The following ANKRD28 variants were observed in gnomAD, a reference collection of about 807,000 sequenced individuals.
ANKRD28 encodes serine/threonine-protein phosphatase 6 regulatory ankyrin repeat subunit A.
In ANKRD28, 44 loss-of-function variants were observed where a neutral mutation model predicts 126.5. That is an observed-to-expected ratio of 0.35 (90% CI 0.27 to 0.45). The LOEUF is 0.45. Among genes scored for constraint, ANKRD28 ranks in the 20% least tolerant of loss-of-function variants. The probability of loss-of-function intolerance (pLI) is 1.00; values close to 1 mark genes in which losing one functional copy is unlikely to be tolerated. For missense variants in ANKRD28, 1,110 were observed against 1,316.6 expected (o/e 0.84, Z 2.43); for synonymous variants, 442 against 468.5 (o/e 0.94, Z 0.73).
Position 15,796,471 on chromosome 3 carries a change from A to G in ANKRD28, c.51T>C (p.Pro17=), listed in dbSNP as rs971203482. 3.1e-6 allele frequency: 4 copies of G among 1,289,054 alleles called. No individual in the cohort carries two copies. In the African/African-American group the frequency reaches 6.1e-5, roughly 20 times the overall value. The allele number at this position is 1,289,054 out of a possible 1,614,324, so 79.9% of individuals were successfully genotyped here. A position where few individuals can be genotyped will look rare whatever the true frequency, so the allele number is the denominator to read the frequency against. ...CCTGTGGCAATTTAGAAATGAATGCAGGAGATTCATCTTCTACCTCCTCCA... is the reference window on the plus strand; with the variant it reads ...CCTGTGGCAATTTAGAAATGAATGCGGGAGATTCATCTTCTACCTCCTCCA... ...VVLEEVEDES[P]AFISKLPQEN... Residue 17 remains proline (P), a synonymous_variant, in exon 1 of 28, where the codon CCT becomes CCC. Transcript: ENST00000683139.
In ANKRD28 at chr3:15,788,598, CTT is replaced by C. The variant is rs199557320; in HGVS notation, c.201+6623_201+6624del. 7.0e-4 allele frequency among the ~76,000 whole-genome samples: 107 copies of C among 152,110 alleles called. No individual in the cohort carries two copies. The East Asian group carries it at 0.015, about 21-fold the overall frequency. On this transcript the variant is annotated intron_variant, in intron 2 of 27. Transcript: ENST00000683139. ...TACAATTAACACCAATTTTAATACT[CTT>C]AATAAAAAATTAATATTTGTAGAAA...
At chr3:15,820,703 CAGGGGTTCAT>C (rs2060925257) in intron 1 of ANKRD28, among the ~76,000 whole-genome samples, 1 of 152,086 alleles carries the variant, frequency 6.6e-6, no homozygotes, top group East Asian at 1.9e-4. Flanking sequence ...TCTTAATTCA[CAGGGGTTCAT>C]TAATGTCTTT....
At chr3:15,722,201 G>A (rs1039122775) in intron 7 of ANKRD28, among the ~76,000 whole-genome samples, 23 of 152,174 alleles carry the variant, frequency 1.5e-4, no homozygotes, top group Non-Finnish European at 3.1e-4. Context: ...TATTTAGAGT[G>A]GGAGCTTTGG....
In ANKRD28 at chr3:15,816,465, TAC is replaced by T. The variant is rs779181256; in HGVS notation, c.28-21161_28-21160del. ...TTAACAGCCTAAGGATAAAAAATAC[TAC>T]AGTGTCTCTTCACCTATAATTTACA... On this transcript the variant is annotated intron_variant, in intron 1 of 27. Coordinates refer to the ANKRD28 transcript ENST00000399451. This position sits in a 1 kb window ranked among gnomAD's most constrained non-coding sequence, Gnocchi z 5.0. Among the ~76,000 whole-genome samples, 1 of 152,196 alleles carries T rather than the reference TAC, an allele frequency of 6.6e-6. No homozygotes were observed. Among genetic ancestry groups the T allele is most frequent in the Non-Finnish European group, 1.5e-5 (1 of 68,024 alleles).
At chr3:15,776,842 A>G (rs1393397526) in intron 2 of ANKRD28, among the ~76,000 whole-genome samples, 2 of 152,266 alleles carry the variant, frequency 1.3e-5, no homozygotes, top group African/African-American at 4.8e-5. Flanking sequence ...CAATTAAAAC[A>G]CATCTGAATT....
chr3:15,810,677 G>C (rs2060693058), intron 1 of ANKRD28, among the ~76,000 whole-genome samples: 1 of 149,312 alleles, frequency 6.7e-6, no homozygotes, highest in Admixed American at 6.6e-5. Context: ...GTCAGTGGCA[G>C]GATTATGAGT....
At chr3:15,739,256 T>A (rs926157957) in intron 4 of ANKRD28, among the ~76,000 whole-genome samples, 2 of 152,138 alleles carry the variant, frequency 1.3e-5, no homozygotes, top group African/African-American at 2.4e-5. Flanking sequence ...ACTGGGGAAG[T>A]GATGTGTCCA....
chr3:15,677,618 C>A, intron 24 of ANKRD28, 56 bp from the exon 25 acceptor site: 1 of 1,309,080 alleles, frequency 7.6e-7, no homozygotes, highest in South Asian at 1.3e-5. Flanking sequence ...CTTAGATTAC[C>A]AATAACTCAC....
intron 27 of ANKRD28, among the ~76,000 whole-genome samples, chr3:15,673,968 G>T (rs2066642274): frequency 6.6e-6 from 1 of 151,880 alleles, no homozygotes; most frequent in African/African-American, 2.4e-5. Flanking sequence ...TTGAGGCCAG[G>T]AGTTCAAGAC....
Position 15,854,632 on chromosome 3 carries a change from T to C in ANKRD28, c.27+4745A>G, listed in dbSNP as rs4685265. 0.72 allele frequency among the ~76,000 whole-genome samples: 110,013 copies of C among 152,116 alleles called. 40,002 individuals are homozygous for C. Among genetic ancestry groups the C allele is most frequent in the East Asian group, 0.93 (4,820 of 5,186 alleles). On this transcript the variant is annotated intron_variant, in intron 1 of 27. Coordinates refer to the ANKRD28 transcript ENST00000399451. The surrounding 1 kb of genome is among the most constrained non-coding windows in gnomAD (Gnocchi z 4.1). ...CATGTTTTCCTTCAGCCTCTATAAG[T>C]CTCTTCATGTGATGTATCTCACTTA...
intron 4 of ANKRD28, among the ~76,000 whole-genome samples, chr3:15,748,592 T>C (rs1319360767): frequency 6.6e-6 from 1 of 152,214 alleles, no homozygotes; most frequent in African/African-American, 2.4e-5. Flanking sequence ...CTTTATAGGT[T>C]ACCTGATGCT....
At chr3:15,759,164 T>C (rs1013149482) in intron 3 of ANKRD28, among the ~76,000 whole-genome samples, 2 of 152,126 alleles carry the variant, frequency 1.3e-5, no homozygotes, top group African/African-American at 4.8e-5. Flanking sequence ...GTGGAAATTA[T>C]GGTGGGAAGA....
chr3:15,685,193 A>G lies in ANKRD28; in HGVS notation c.2389+33T>C, dbSNP rs532856975. The G allele has an allele frequency of 5.7e-5, 92 of 1,603,424 alleles. 3 individuals are homozygous for G. The South Asian group carries it at 9.8e-4, about 17-fold the overall frequency. On this transcript the variant is annotated intron_variant, in intron 21 of 27. Coordinates refer to ENST00000683139, the MANE Select transcript of ANKRD28 (RefSeq NM_001349278.2). ...TCATTCTTTTATCTCTGTTCACTAC[A>G]CAATGATATGCATTTGTGTTTGTAT...
intron 1 of ANKRD28, among the ~76,000 whole-genome samples, chr3:15,808,971 T>A (rs936232020): frequency 2.0e-5 from 3 of 152,124 alleles, no homozygotes; most frequent in African/African-American, 7.2e-5. Context: ...TTTCACTTGG[T>A]TTTTCTTCTA....
intron 1 of ANKRD28, among the ~76,000 whole-genome samples, chr3:15,841,280 C>A (rs1279637564): frequency 6.6e-6 from 1 of 152,212 alleles, no homozygotes; most frequent in African/African-American, 2.4e-5. Flanking sequence ...AGGACACTGA[C>A]TGGGCAAAGA....
At position 15,812,617 on chromosome 3, in the gene ANKRD28, T is replaced by C. The variant is rs2060739783; in HGVS notation, c.28-17311A>G. On this transcript the variant is annotated intron_variant, in intron 1 of 27. Transcript: ENST00000399451. The surrounding 1 kb of genome is among the most constrained non-coding windows in gnomAD (Gnocchi z 4.1). ...GTTTTTCTGTCTTGCTTACCAATTATCCAAATGCTCGTTTGGGAACAGAAT... is the reference window on the plus strand; with the variant it reads ...GTTTTTCTGTCTTGCTTACCAATTACCCAAATGCTCGTTTGGGAACAGAAT... 6.6e-6 allele frequency among the ~76,000 whole-genome samples: 1 copy of C among 152,194 alleles called. No individual in the cohort carries two copies. The highest frequency in any genetic ancestry group is 1.5e-5 in the Non-Finnish European group (1 of 68,038).
intron 21 of ANKRD28, among the ~76,000 whole-genome samples, chr3:15,681,941 TC>T (rs887518756): frequency 1.3e-5 from 2 of 152,144 alleles, no homozygotes; most frequent in African/African-American, 4.8e-5. Context: ...GTTGAGAAAC[TC>T]CTTTAATGCC....
At chr3:15,795,432 G>A (rs2060233043) in intron 1 of ANKRD28, 126 bp from the exon 2 acceptor site, 3 of 555,248 alleles carry the variant, frequency 5.4e-6, no homozygotes, top group Admixed American at 3.6e-5. Context: ...ACATTAGCCA[G>A]AAGTTTCATA....
chr3:15,696,790 A>G (rs1189310877), intron 14 of ANKRD28, among the ~76,000 whole-genome samples: 13 of 152,300 alleles, frequency 8.5e-5, no homozygotes, highest in Middle Eastern at 3.4e-3. Context: ...TCCATAAGAG[A>G]TACTTCATTT....
Sources: allele counts gnomAD v4.1 joint callset (sites outside exome capture counted in the v4.1 genomes callset), GRCh38; gene constraint gnomAD v4.1.1; non-coding constraint Gnocchi (gnomAD v3.1); transcripts MANE v1.5; gene names NCBI Gene and HGNC (gene_info 2026-07-23, HGNC 2026-07-21).